Variants in PCGF3 observed in about 807,000 individuals in gnomAD.
PCGF3 encodes polycomb group ring finger 3, also known as polycomb group RING finger protein 3.
Under a neutral mutation model 33.1 loss-of-function variants are expected in PCGF3, and 7 were observed. The ratio of observed to expected loss-of-function variants is 0.21; its 90% CI spans 0.12 to 0.40. The LOEUF is 0.40. PCGF3 is among the 10% of genes least tolerant of loss of function. The probability of loss-of-function intolerance (pLI) is 1.00; values close to 1 mark genes in which losing one functional copy is unlikely to be tolerated. For missense variants in PCGF3, 211 were observed against 313.3 expected, an observed-to-expected ratio of 0.67 and a Z score of 2.46; for synonymous variants, 153 against 121.3, an observed-to-expected ratio of 1.26 and a Z score of -1.72.
At chr4:734,897 A>T in intron 4 of PCGF3, 34 bp from the exon 5 acceptor site, 1 of 1,605,046 alleles carries the variant, frequency 6.2e-7, no homozygotes, top group Non-Finnish European at 8.5e-7. Flanking sequence ...CTGGCTCTAG[A>T]CGCTCTCCTA....
At chr4:763,948 C>T (rs775766898) in intron 9 of PCGF3, among the ~76,000 whole-genome samples, 1 of 152,222 alleles carries the variant, frequency 6.6e-6, no homozygotes, top group Non-Finnish European at 1.5e-5. Context: ...AGTAGAGAAG[C>T]CCCTCTGAAA....
exon 4 of PCGF3, chr4:733,696 A>C: frequency 6.2e-7 from 1 of 1,607,142 alleles, no homozygotes; most frequent in Non-Finnish European, 8.5e-7. Context: ...GACCAGGAAG[A>C]TCAAGCTGTG....
intron 8 of PCGF3, among the ~76,000 whole-genome samples, chr4:754,329 G>A (rs1216237083): frequency 6.6e-6 from 1 of 152,192 alleles, no homozygotes; most frequent in Non-Finnish European, 1.5e-5. Context: ...CGCACCCTCG[G>A]GCACGCGCTG....
intron 1 of PCGF3, among the ~76,000 whole-genome samples, chr4:711,842 T>A (rs1020711639): frequency 2.6e-5 from 4 of 151,418 alleles, no homozygotes; most frequent in Non-Finnish European, 5.9e-5. Flanking sequence ...GCACCTGTAA[T>A]CCCAGCTACT....
chr4:709,766 A>C (rs1742486689), intron 1 of PCGF3, among the ~76,000 whole-genome samples: 1 of 152,206 alleles, frequency 6.6e-6, no homozygotes. Context: ...ACTTAGGAGA[A>C]AACCGTGTTA....
chr4:741,071 C>T (rs928126991), intron 6 of PCGF3, among the ~76,000 whole-genome samples: 8 of 152,210 alleles, frequency 5.3e-5, no homozygotes, highest in Non-Finnish European at 7.3e-5. Flanking sequence ...CTTTCTCATC[C>T]GTCATACTGT....
intron 8 of PCGF3, among the ~76,000 whole-genome samples, chr4:753,403 C>T (rs1477261383): frequency 6.6e-6 from 1 of 152,130 alleles, no homozygotes; most frequent in Non-Finnish European, 1.5e-5. Flanking sequence ...GCCCGTAATC[C>T]CAGCATATTG....
rs1484764514 is a variant in PCGF3, at chr4:717,935, G to C, written c.-190+11965G>C. Among the ~76,000 whole-genome samples, 3 of 152,238 alleles carry C rather than the reference G, an allele frequency of 2.0e-5. No homozygotes were observed. In the East Asian group the frequency reaches 5.8e-4, roughly 29 times the overall value. Reference sequence around the variant, plus strand: ...GGAGCCTCTGCGTCCACTCAGGCTTGTGTGTTCGGGAATCCCGTGGGTGCT... The same window carrying C: ...GGAGCCTCTGCGTCCACTCAGGCTTCTGTGTTCGGGAATCCCGTGGGTGCT... On this transcript the variant is annotated intron_variant, in intron 1 of 10. Transcript: ENST00000362003.
chr4:711,450 TTTTC>T (rs1232238107), intron 1 of PCGF3, among the ~76,000 whole-genome samples: 3 of 90,378 alleles, frequency 3.3e-5, no homozygotes, highest in African/African-American at 6.5e-5. Context: ...TTTCTTTTTT[TTTTC>T]TTTTTTTTTT....
Position 733,645 on chromosome 4 carries a change from G to A in PCGF3, c.-9-27G>A, listed in dbSNP as rs200436171. On this transcript the variant is annotated intron_variant, in intron 3 of 10. Transcript: ENST00000362003. ...TGAAAGGCATGGAAGAGTTTCAGGT[G>A]TTAATTAATCGCGTTTTCTCTTGTA... The A allele has an allele frequency of 1.3e-5, 20 of 1,585,000 alleles. 1 individual carries two copies. In the African/African-American group the frequency reaches 2.3e-4, roughly 18 times the overall value.
chr4:713,601 T>C (rs1301165427), intron 1 of PCGF3, among the ~76,000 whole-genome samples: 2 of 151,950 alleles, frequency 1.3e-5, no homozygotes, highest in African/African-American at 2.4e-5. Flanking sequence ...TATGACTTTG[T>C]GCCTGTGTCT....
At chr4:719,165 G>T (rs1313912613) in intron 1 of PCGF3, among the ~76,000 whole-genome samples, 4 of 152,104 alleles carry the variant, frequency 2.6e-5, no homozygotes, top group Non-Finnish European at 5.9e-5. Context: ...ATGTTGGTCA[G>T]GCTGGTGTCG....
At chr4:733,573 G>C (rs1246623250) in intron 3 of PCGF3, 99 bp from the exon 4 acceptor site, 4 of 1,265,472 alleles carry the variant, frequency 3.2e-6, no homozygotes, top group Non-Finnish European at 4.3e-6. Flanking sequence ...AGGCCTCAGG[G>C]CCTGCACTGT....
chr4:722,395 C>T (rs1743118584), intron 1 of PCGF3: 1 of 199,430 alleles, frequency 5.0e-6, no homozygotes, highest in Non-Finnish European at 1.0e-5. Flanking sequence ...CTGCCCCAGG[C>T]AGCGGCGTGG....
chr4:734,614 G>A, intron 4 of PCGF3: 1 of 1,215,124 alleles, frequency 8.2e-7, no homozygotes, highest in South Asian at 2.6e-5. Flanking sequence ...AAAATTATCT[G>A]TTTTAGCCCA....
At chr4:730,099 C>G (rs773961531) in intron 1 of PCGF3, among the ~76,000 whole-genome samples, 17 of 152,144 alleles carry the variant, frequency 1.1e-4, no homozygotes, top group Non-Finnish European at 2.5e-4. Context: ...CCACTGAGCC[C>G]AACACCAGGC....
Position 744,327 on chromosome 4 carries a change from C to T in PCGF3, c.374-273C>T, listed in dbSNP as rs887905827. ...GCCTGGCCATGTGGCCAGTGCGGAG[C>T]GTGTCTGTGTCCCACGCCGGCTCCG... On this transcript the variant is annotated intron_variant, in intron 7 of 10. Transcript: ENST00000362003. 8.5e-5 allele frequency among the ~76,000 whole-genome samples: 13 copies of T among 152,370 alleles called. 2 individuals carry two copies. The highest frequency in any genetic ancestry group is 6.5e-5 in the Admixed American group (1 of 15,310).
At chr4:749,110 T>C (rs1486514333) in intron 8 of PCGF3, among the ~76,000 whole-genome samples, 1 of 152,262 alleles carries the variant, frequency 6.6e-6, no homozygotes, top group Non-Finnish European at 1.5e-5. Context: ...GTGCTAAAGA[T>C]TTATTTGTTG....
In PCGF3 at chr4:765,071, C is replaced by CA. The variant is rs776066662; in HGVS notation, c.681+8dup. On this transcript the variant is annotated splice_region_variant and intron_variant, in intron 10 of 10. Coordinates refer to ENST00000362003, the Ensembl canonical transcript of PCGF3. ...CACTAGGTGGAGATTCAAGGTGAGA[C>CA]ACGTGATTTGATTTTCAGAGTCTGC... 1.2e-5 allele frequency: 19 copies of CA among 1,598,666 alleles called. No homozygotes were observed. Among genetic ancestry groups the CA allele is most frequent in the Non-Finnish European group, 1.4e-5 (16 of 1,166,032 alleles).
Sources: gnomAD v4.1 joint callset for allele counts (sites outside exome capture counted in the v4.1 genomes callset) on GRCh38, gnomAD v4.1.1 for gene constraint, MANE v1.5 for transcripts, NCBI Gene and HGNC (gene_info 2026-07-23, HGNC 2026-07-21) for gene names.